Variants in EYS observed in about 807,000 individuals in gnomAD.
EYS encodes the protein EGF-like photoreceptor maintenance factor.
A neutral mutation model predicts 282.1 loss-of-function variants in EYS; 250 were observed. The observed-to-expected ratio is 0.89, with a 90% confidence interval of 0.80 to 0.98. The LOEUF (loss-of-function observed/expected upper bound fraction) is 0.98, where lower values mean the gene tolerates loss of function less well. EYS is among the 50% of genes least tolerant of loss of function. The pLI is 0.00. For missense variants in EYS, 4,016 were observed against 3,709.0 expected (o/e 1.08, Z -2.15); for synonymous variants, 1,355 against 1,282.9 (o/e 1.06, Z -1.20).
intron 12 of EYS, among the ~76,000 whole-genome samples, chr6:65,115,966 A>ATCATCT (rs1554154790): frequency 0.05 from 7,242 of 144,930 alleles, 264 homozygotes; most frequent in African/African-American, 0.078. Context: ...CTGTCTATCT[A>ATCATCT]ATCTATCTAT....
Position 64,707,409 on chromosome 6 carries a change from C to T in EYS, c.3444-81164G>A, listed in dbSNP as rs1006657186. On this transcript the variant is annotated intron_variant, in intron 22 of 42. Transcript: ENST00000503581. ...TGGGGGCCAGGCATGGTGGCTCACG[C>T]CTGTAATCCCAGCACTTTGGGAGAC... is the stretch of plus-strand genomic sequence containing the variant. Among the ~76,000 whole-genome samples, 10 of 152,112 alleles carry T rather than the reference C, an allele frequency of 6.6e-5. No homozygotes were observed. In the South Asian group the frequency reaches 1.0e-3, roughly 16 times the overall value.
intron 41 of EYS, among the ~76,000 whole-genome samples, chr6:63,732,752 C>A (rs1437094153): frequency 6.6e-6 from 1 of 152,114 alleles, no homozygotes; most frequent in African/African-American, 2.4e-5. Context: ...AGGTTTGTGC[C>A]AACACGTTCA....
chr6:63,971,289 CT>C (rs1766558428), intron 35 of EYS, among the ~76,000 whole-genome samples: 1 of 152,194 alleles, frequency 6.6e-6, no homozygotes, highest in South Asian at 2.1e-4. Context: ...TTTATTTCAT[CT>C]GACTAACATG....
At chr6:65,547,625 C>T (rs1176473981) in intron 2 of EYS, among the ~76,000 whole-genome samples, 1 of 151,914 alleles carries the variant, frequency 6.6e-6, no homozygotes, top group East Asian at 1.9e-4. Flanking sequence ...AAATACAACA[C>T]TTGAAAAAGT....
chr6:65,688,352 A>T (rs570545624), intron 1 of EYS, among the ~76,000 whole-genome samples: 16 of 152,336 alleles, frequency 1.1e-4, no homozygotes, highest in Non-Finnish European at 1.9e-4. Context: ...CTATTTAATA[A>T]ATGGTGCTGG....
chr6:65,060,657 C>T (rs1773543873), intron 12 of EYS, among the ~76,000 whole-genome samples: 1 of 151,698 alleles, frequency 6.6e-6, no homozygotes, highest in Non-Finnish European at 1.5e-5. Flanking sequence ...CTCAGGTATC[C>T]TCTGCCTATT....
chr6:63,811,275 A>G (rs563580591), intron 36 of EYS, among the ~76,000 whole-genome samples: 1 of 152,212 alleles, frequency 6.6e-6, no homozygotes, highest in Non-Finnish European at 1.5e-5. Flanking sequence ...GCTCGATTTT[A>G]TTCCAGTCAG....
intron 22 of EYS, among the ~76,000 whole-genome samples, chr6:64,779,516 G>A (rs141846879): frequency 4.0e-3 from 608 of 152,186 alleles, no homozygotes; most frequent in Non-Finnish European, 7.1e-3. Flanking sequence ...GGAAGCATAG[G>A]ATTTTTAGGG....
intron 22 of EYS, among the ~76,000 whole-genome samples, chr6:64,741,979 TA>T (rs902766297): frequency 1.1e-4 from 16 of 152,184 alleles, no homozygotes; most frequent in African/African-American, 2.4e-4. Flanking sequence ...TTTCTTCAAA[TA>T]TTTTTTTTTA....
At chr6:65,689,664 A>C (rs1369587029) in intron 1 of EYS, among the ~76,000 whole-genome samples, 5 of 150,082 alleles carry the variant, frequency 3.3e-5, no homozygotes, top group African/African-American at 1.2e-4. Flanking sequence ...TCCTGTTTTC[A>C]ACTTTATATG....
chr6:64,242,591 C>T (rs1011486990), intron 30 of EYS, among the ~76,000 whole-genome samples: 1 of 151,776 alleles, frequency 6.6e-6, no homozygotes, highest in African/African-American at 2.4e-5. Flanking sequence ...ACTCTCAGCC[C>T]CAATTTTTTC....
At chr6:65,313,138 T>A (rs897212383) in intron 11 of EYS, among the ~76,000 whole-genome samples, 21 of 152,132 alleles carry the variant, frequency 1.4e-4, no homozygotes, top group African/African-American at 4.6e-4. Context: ...CCCTGGGGGA[T>A]ATTTTTTCCC....
chr6:65,464,728 C>T (rs1055977192), intron 5 of EYS, among the ~76,000 whole-genome samples: 5 of 152,030 alleles, frequency 3.3e-5, no homozygotes, highest in Non-Finnish European at 7.4e-5. Flanking sequence ...CTGGAAACTT[C>T]GGTTTTTCAT....
Position 64,677,636 on chromosome 6 carries a change from T to A in EYS, c.3444-51391A>T, listed in dbSNP as rs115313312. Among the ~76,000 whole-genome samples the A allele has an allele frequency of 6.1e-3, 933 of 152,286 alleles. 16 individuals are homozygous for A. The highest frequency in any genetic ancestry group is 0.021 in the African/African-American group (873 of 41,576). On this transcript the variant is annotated intron_variant, in intron 22 of 42. Transcript: ENST00000503581. Reference sequence around the variant, plus strand: ...TTGCAATTAGAAAATATGCAGTGAATGATACTTTTACTATGTTGGTTTATG... The same window carrying A: ...TTGCAATTAGAAAATATGCAGTGAAAGATACTTTTACTATGTTGGTTTATG...
chr6:65,668,983 C>G (rs1230773728), intron 1 of EYS, among the ~76,000 whole-genome samples: 2 of 151,932 alleles, frequency 1.3e-5, no homozygotes, highest in Non-Finnish European at 2.9e-5. Flanking sequence ...CTATAGCACA[C>G]AGCCTGTTGA....
At chr6:64,205,556 T>G (rs1765585712) in intron 31 of EYS, among the ~76,000 whole-genome samples, 1 of 152,146 alleles carries the variant, frequency 6.6e-6, no homozygotes, top group South Asian at 2.1e-4. Context: ...ATAATCTAGA[T>G]TTGCAAATTA....
chr6:64,357,743 C>A (rs73453243), intron 29 of EYS, among the ~76,000 whole-genome samples: 1,788 of 151,620 alleles, frequency 0.012, 35 homozygotes, highest in African/African-American at 0.041. Context: ...CTCAGATATG[C>A]CCCTGTAGTG....
intron 5 of EYS, among the ~76,000 whole-genome samples, chr6:65,449,408 A>G (rs1308733405): frequency 6.6e-6 from 1 of 152,080 alleles, no homozygotes; most frequent in African/African-American, 2.4e-5. Context: ...TTTTTCTGCA[A>G]TTTTTATAAT....
intron 31 of EYS, among the ~76,000 whole-genome samples, chr6:64,162,905 A>G (rs1204738310): frequency 6.6e-6 from 1 of 152,206 alleles, no homozygotes; most frequent in Non-Finnish European, 1.5e-5. Context: ...GTTCAGAAAT[A>G]GTATGAATTC....
Sources: gnomAD v4.1 joint callset for allele counts (sites outside exome capture counted in the v4.1 genomes callset) on GRCh38, gnomAD v4.1.1 for gene constraint, MANE v1.5 for transcripts, NCBI Gene and HGNC (gene_info 2026-07-23, HGNC 2026-07-21) for gene names.